SNX10: variants seen among roughly 807,000 people sequenced by gnomAD.
SNX10 encodes the protein sorting nexin-10.
A neutral mutation model predicts 28.5 loss-of-function variants in SNX10; 25 were observed. The ratio of observed to expected loss-of-function variants is 0.88; its 90% CI spans 0.64 to 1.22. The LOEUF is 1.22. Among genes scored for constraint, SNX10 ranks in the 50% most tolerant of loss-of-function variants. SNX10 has a pLI of 0.00. For synonymous variants in SNX10, 62 were observed against 81.4 expected (o/e 0.76, Z 1.28); for missense variants, 223 against 242.6 (o/e 0.92, Z 0.54).
At position 26,296,491 on chromosome 7, in the gene SNX10, C is replaced by T. The variant is rs773838325; in HGVS notation, c.-24+4405C>T. ...TGATCTCACCACTATACTCCAGCCTCGGTGACACAGTGAGACCCCAACTCT... is the reference window on the plus strand; with the variant it reads ...TGATCTCACCACTATACTCCAGCCTTGGTGACACAGTGAGACCCCAACTCT... On this transcript the variant is annotated intron_variant, in intron 1 of 6. Coordinates refer to ENST00000338523, the MANE Select transcript of SNX10 (RefSeq NM_013322.3). Among the ~76,000 whole-genome samples the T allele has an allele frequency of 9.2e-5, 14 of 152,024 alleles. No individual in the cohort carries two copies. The East Asian group carries it at 2.7e-3, about 29-fold the overall frequency.
chr7:26,372,506 T>A lies in SNX10; in HGVS notation c.540T>A (p.Leu180=). 1 of 1,608,640 alleles carries A rather than the reference T, an allele frequency of 6.2e-7. No individual in the cohort carries two copies. The highest frequency in any genetic ancestry group is 8.5e-7 in the Non-Finnish European group (1 of 1,175,084). ...DYDSESSSSG[L]GHSSDDSSSH... is the part of the protein sequence containing the mutation. The stretch of plus-strand genomic sequence containing the variant: ...TCTTTTCCAGTTCATCCTCTGGGCT[T>A]GGACACAGTAGTGATGACAGCAGTT... The change falls in exon 7 of 7, where the codon CTT becomes CTA. Residue 180 remains leucine (L), a synonymous_variant. Coordinates refer to ENST00000338523, the MANE Select transcript of SNX10 (RefSeq NM_013322.3).
At chr7:26,344,791 G>C (rs1317642654) in intron 1 of SNX10, among the ~76,000 whole-genome samples, 1 of 152,112 alleles carries the variant, frequency 6.6e-6, no homozygotes, top group African/African-American at 2.4e-5. Context: ...ACCTAATCTC[G>C]ACTGGTCCCC....
At chr7:26,337,940 C>T (rs558496314) in intron 1 of SNX10, among the ~76,000 whole-genome samples, 17 of 152,170 alleles carry the variant, frequency 1.1e-4, no homozygotes, top group Admixed American at 1.0e-3. Flanking sequence ...AGAAGGGTTC[C>T]GATTTCTCCA....
intron 1 of SNX10, among the ~76,000 whole-genome samples, chr7:26,332,575 A>G (rs1237447775): frequency 6.6e-6 from 1 of 152,164 alleles, no homozygotes; most frequent in Non-Finnish European, 1.5e-5. Flanking sequence ...ATTTTTATGA[A>G]GCCTAATTTA....
chr7:26,348,979 A>G (rs978706174), intron 2 of SNX10, among the ~76,000 whole-genome samples: 1 of 152,228 alleles, frequency 6.6e-6, no homozygotes, highest in Admixed American at 6.5e-5. Context: ...ACTATAAAAG[A>G]TATTTTTATC....
intron 1 of SNX10, among the ~76,000 whole-genome samples, chr7:26,343,000 G>T (rs910611284): frequency 3.9e-5 from 6 of 152,036 alleles, no homozygotes; most frequent in Non-Finnish European, 8.8e-5. Context: ...TGTAGAGATG[G>T]GGTTTCGCCA....
chr7:26,353,130 T>C (rs1406200796), intron 2 of SNX10, among the ~76,000 whole-genome samples: 1 of 152,208 alleles, frequency 6.6e-6, no homozygotes. Context: ...CTAAATCTCA[T>C]TCACAGTTGT....
chr7:26,355,930 C>T (rs930829613), intron 2 of SNX10, among the ~76,000 whole-genome samples: 7 of 152,170 alleles, frequency 4.6e-5, no homozygotes, highest in Non-Finnish European at 1.5e-5. Context: ...TGAGAATATA[C>T]TGAGCTCTGA....
At chr7:26,301,820 A>ATT (rs547220364) in intron 1 of SNX10, among the ~76,000 whole-genome samples, 1 of 151,086 alleles carries the variant, frequency 6.6e-6, no homozygotes, top group South Asian at 2.1e-4. Context: ...TCCCATACCC[A>ATT]TTTTTTTTTC....
chr7:26,316,241 G>T (rs1787086888), intron 1 of SNX10, among the ~76,000 whole-genome samples: 1 of 151,262 alleles, frequency 6.6e-6, no homozygotes, highest in African/African-American at 2.4e-5. Flanking sequence ...TTTCCTTGCA[G>T]CAGATGACAA....
rs71521760 is a variant in SNX10 at position 26,316,197 on chromosome 7, A to C, written c.-24+24111A>C. 5.4e-3 allele frequency among the ~76,000 whole-genome samples: 811 copies of C among 150,890 alleles called. 4 individuals are homozygous for C. The highest frequency in any genetic ancestry group is 8.4e-3 in the Non-Finnish European group (567 of 67,816). On this transcript the variant is annotated intron_variant, in intron 1 of 6. Transcript: ENST00000338523. The stretch of plus-strand genomic sequence containing the variant: ...AGACTGTCTCAAAAAAAAAAAAAAA[A>C]CAAAAAACCTAGAGTAAAAAAAATG...
chr7:26,295,346 G>A (rs1261877666), intron 1 of SNX10, among the ~76,000 whole-genome samples: 2 of 152,120 alleles, frequency 1.3e-5, no homozygotes, highest in Admixed American at 1.3e-4. Context: ...ACAGGTGTGA[G>A]CTACTGTGGC....
intron 1 of SNX10, among the ~76,000 whole-genome samples, chr7:26,327,532 A>G (rs994967509): frequency 6.6e-6 from 1 of 152,058 alleles, no homozygotes; most frequent in East Asian, 1.9e-4. Context: ...AGCAAATGTT[A>G]GTTTCTTTGG....
intron 1 of SNX10, among the ~76,000 whole-genome samples, chr7:26,298,833 C>T (rs1469193296): frequency 6.6e-6 from 1 of 152,180 alleles, no homozygotes; most frequent in Non-Finnish European, 1.5e-5. Flanking sequence ...CGTGCTGCGT[C>T]CTCACATGGT....
Position 26,364,423 on chromosome 7 carries a change from G to T in SNX10, c.112-112G>T. 4.3e-6 allele frequency: 6 copies of T among 1,411,436 alleles called. No individual in the cohort carries two copies. Among genetic ancestry groups the T allele is most frequent in the Non-Finnish European group, 4.6e-6 (5 of 1,078,902 alleles). 87.4% of individuals were successfully genotyped at this position (1,411,436 alleles called of 1,614,324 possible). A position where few individuals can be genotyped will look rare whatever the true frequency, so the allele number is the denominator to read the frequency against. ...CTGGCATAAATATAAATATATGTTT[G>T]GTGGTTTAAATCCTATTTAGAGTGA... is the stretch of plus-strand genomic sequence containing the variant. On this transcript the variant is annotated intron_variant, in intron 3 of 6. Coordinates refer to ENST00000338523, the MANE Select transcript of SNX10 (RefSeq NM_013322.3). The surrounding 1 kb of genome is among the most constrained non-coding windows in gnomAD (Gnocchi z 4.9).
chr7:26,309,291 C>T (rs1254189667), intron 1 of SNX10, among the ~76,000 whole-genome samples: 2 of 151,246 alleles, frequency 1.3e-5, no homozygotes, highest in East Asian at 2.0e-4. Context: ...GTGAGCATTG[C>T]GTTAGAAGTG....
chr7:26,298,175 C>T lies in SNX10; in HGVS notation c.-24+6089C>T, dbSNP rs191919081. Among the ~76,000 whole-genome samples the T allele has an allele frequency of 1.5e-4, 23 of 151,710 alleles. No individual in the cohort carries two copies. The East Asian group carries it at 3.1e-3, about 21-fold the overall frequency. On this transcript the variant is annotated intron_variant, in intron 1 of 6. Coordinates refer to ENST00000338523, the MANE Select transcript of SNX10 (RefSeq NM_013322.3). ...AGGTGGAGGTTGCATGAGCCGAGAT[C>T]GTGCCATTGCACTCCAGCTTGGGCA... is the stretch of plus-strand genomic sequence containing the variant.
chr7:26,338,841 A>T (rs111627520), intron 1 of SNX10, among the ~76,000 whole-genome samples: 5,116 of 152,284 alleles, frequency 0.034, 218 homozygotes, highest in African/African-American at 0.11. Flanking sequence ...GTGGGATGGC[A>T]GAACTGCTTG....
At chr7:26,333,589 G>T (rs1019337484) in intron 1 of SNX10, among the ~76,000 whole-genome samples, 1 of 152,104 alleles carries the variant, frequency 6.6e-6, no homozygotes, top group African/African-American at 2.4e-5. Flanking sequence ...CTCCCAAAGT[G>T]CTGGGATTAC....
Sources: gnomAD v4.1 joint callset for allele counts (sites outside exome capture counted in the v4.1 genomes callset) on GRCh38, gnomAD v4.1.1 for gene constraint, Gnocchi (gnomAD v3.1) non-coding constraint, MANE v1.5 for transcripts, NCBI Gene and HGNC (gene_info 2026-07-23, HGNC 2026-07-21) for gene names.